YPEL5: variants seen among roughly 807,000 people sequenced by gnomAD.
YPEL5 encodes the protein protein yippee-like 5.
YPEL5 carries 1 observed loss-of-function variant against 10.5 expected under a neutral mutation model. That is an observed-to-expected ratio of 0.10 (90% confidence interval 0.03 to 0.45). The LOEUF (loss-of-function observed/expected upper bound fraction) is 0.45, where lower values mean the gene tolerates loss of function less well. YPEL5 is among the 20% of genes least tolerant of loss of function. The pLI, the probability that YPEL5 is intolerant of heterozygous loss-of-function variation, is 0.97. For synonymous variants in YPEL5, 61 were observed against 56.6 expected (o/e 1.08, Z -0.35); for missense variants, 68 against 159.3 (o/e 0.43, Z 3.09).
intron 1 of YPEL5, among the ~76,000 whole-genome samples, chr2:30,149,301 T>A (rs1427935023): frequency 6.6e-6 from 1 of 152,174 alleles, no homozygotes; most frequent in Non-Finnish European, 1.5e-5. Flanking sequence ...AATATATCCT[T>A]AAAACGTACT....
intron 2 of YPEL5, among the ~76,000 whole-genome samples, chr2:30,157,433 T>C (rs1676092171): frequency 6.6e-6 from 1 of 152,212 alleles, no homozygotes; most frequent in African/African-American, 2.4e-5. Context: ...TTTATCCATA[T>C]AGGGAGATGG....
chr2:30,158,489 T>C, intron 2 of YPEL5, 130 bp from the exon 3 acceptor site: 2 of 842,882 alleles, frequency 2.4e-6, no homozygotes, highest in Non-Finnish European at 3.8e-6. Context: ...TTGCGTATTA[T>C]AGGTTTGACT....
chr2:30,153,794 CAT>C (rs1458472844), intron 1 of YPEL5, among the ~76,000 whole-genome samples: 15 of 152,138 alleles, frequency 9.9e-5, no homozygotes, highest in African/African-American at 3.6e-4. Context: ...AATAGTGTAA[CAT>C]AAGGTTTTGC....
intron 1 of YPEL5, among the ~76,000 whole-genome samples, chr2:30,148,968 A>T (rs1675650886): frequency 6.6e-6 from 1 of 152,214 alleles, no homozygotes; most frequent in Admixed American, 6.5e-5. Context: ...ATGTCAGTGT[A>T]ATGCAGGAAC....
chr2:30,159,655 A>G lies in YPEL5; in HGVS notation c.*812A>G, dbSNP rs1291517353. ...AGTTTTTTTTCATCTCTTAAACTAA[A>G]TTGACCATGCATATAATATTCTTTG... On this transcript the variant is annotated 3_prime_UTR_variant, in exon 3 of 3. Coordinates refer to ENST00000261353, the MANE Select transcript of YPEL5 (RefSeq NM_016061.3). The G allele has an allele frequency of 6.6e-6, 1 of 152,274 alleles. No individual in the cohort carries two copies. The allele number at this position is 152,274 out of a possible 1,614,324, so 9.4% of individuals were successfully genotyped here.
chr2:30,155,141 TAGAA>T (rs1314970534), intron 1 of YPEL5, among the ~76,000 whole-genome samples: 13 of 152,316 alleles, frequency 8.5e-5, no homozygotes, highest in Non-Finnish European at 1.5e-4. Flanking sequence ...GAAATGTAAT[TAGAA>T]AGTTAAATAT....
Position 30,157,960 on chromosome 2 carries a change from C to T in YPEL5, c.142-659C>T, listed in dbSNP as rs78040284. Among the ~76,000 whole-genome samples, 150 of 152,330 alleles carry T rather than the reference C, an allele frequency of 9.8e-4. 5 individuals are homozygous for T. In the East Asian group the frequency reaches 0.028, roughly 28 times the overall value. On this transcript the variant is annotated intron_variant, in intron 2 of 2. Transcript: ENST00000261353. ...CAGAGTTAAAAAGTTGCAGCAAAGACCACATAGCCGTCAAAGCCAGAAATA... is the reference window on the plus strand; with the variant it reads ...CAGAGTTAAAAAGTTGCAGCAAAGATCACATAGCCGTCAAAGCCAGAAATA...
chr2:30,159,078 T>G lies in YPEL5; in HGVS notation c.*235T>G, dbSNP rs376978553. On this transcript the variant is annotated 3_prime_UTR_variant, in exon 3 of 3. Transcript: ENST00000261353. ...TGCAGATGCCGTTAATTTTTTACCC[T>G]ATGTTTACATCTTGAGGCAGCAGAG... The G allele has an allele frequency of 7.7e-6, 4 of 517,728 alleles. No homozygotes were observed. In the East Asian group the frequency reaches 9.8e-5, roughly 13 times the overall value. 32.1% of individuals were successfully genotyped at this position (517,728 alleles called of 1,614,324 possible).
intron 1 of YPEL5, among the ~76,000 whole-genome samples, chr2:30,149,887 C>T (rs1675704305): frequency 6.6e-6 from 1 of 152,242 alleles, no homozygotes; most frequent in African/African-American, 2.4e-5. Flanking sequence ...GCGATGGTTT[C>T]ATTTACTAAG....
intron 1 of YPEL5, among the ~76,000 whole-genome samples, chr2:30,151,040 A>C (rs559687462): frequency 9.5e-4 from 144 of 152,348 alleles, no homozygotes; most frequent in African/African-American, 3.2e-3. Context: ...GTACAGAAAC[A>C]GGTGGCGAGC....
chr2:30,151,522 GT>G (rs1347736159), intron 1 of YPEL5, among the ~76,000 whole-genome samples: 1 of 152,150 alleles, frequency 6.6e-6, no homozygotes, highest in Non-Finnish European at 1.5e-5. Context: ...GCCCCTCACT[GT>G]TTCAGGTAAT....
At chr2:30,148,459 C>G (rs536566859) in intron 1 of YPEL5, 1 of 152,304 alleles carries the variant, frequency 6.6e-6, no homozygotes, top group South Asian at 2.1e-4. Flanking sequence ...TGTGGTGTTC[C>G]CAGGGTACAT....
chr2:30,158,333 T>C (rs1042053910), intron 2 of YPEL5, among the ~76,000 whole-genome samples: 3 of 152,204 alleles, frequency 2.0e-5, no homozygotes, highest in African/African-American at 4.8e-5. Context: ...TTCCAGGACT[T>C]TTTCTTACCT....
At chr2:30,158,551 A>G in intron 2 of YPEL5, 68 bp from the exon 3 acceptor site, 2 of 1,473,752 alleles carry the variant, frequency 1.4e-6, no homozygotes, top group Non-Finnish European at 1.9e-6. Flanking sequence ...ATTAACCATA[A>G]TATTTTGTAC....
At chr2:30,147,458 G>A (rs532954812) in intron 1 of YPEL5, 4 of 149,222 alleles carry the variant, frequency 2.7e-5, no homozygotes, top group Non-Finnish European at 4.5e-5. Flanking sequence ...CTGGGCGGAC[G>A]GTCTGGCCGC....
intron 1 of YPEL5, among the ~76,000 whole-genome samples, chr2:30,154,595 C>T (rs899326302): frequency 6.6e-6 from 1 of 152,142 alleles, no homozygotes; most frequent in Non-Finnish European, 1.5e-5. Context: ...AACTGTGTGA[C>T]CCAAATAAAA....
At chr2:30,156,861 C>T in intron 2 of YPEL5, 69 bp downstream of exon 2, 2 of 1,556,174 alleles carry the variant, frequency 1.3e-6, no homozygotes, top group South Asian at 1.1e-5. Flanking sequence ...CCAGAATACC[C>T]CCTCAGAGCT....
intron 1 of YPEL5, among the ~76,000 whole-genome samples, chr2:30,150,288 A>G (rs981203555): frequency 9.9e-5 from 15 of 152,194 alleles, no homozygotes; most frequent in African/African-American, 3.6e-4. Context: ...AGTTTTACTG[A>G]CCTTTATTGA....
chr2:30,153,228 C>G (rs1025433959), intron 1 of YPEL5, among the ~76,000 whole-genome samples: 58 of 152,230 alleles, frequency 3.8e-4, no homozygotes, highest in Middle Eastern at 6.8e-3. Flanking sequence ...AAGTGGCTGT[C>G]TTAGTTCCTT....
Sources: gnomAD v4.1 joint callset for allele counts (sites outside exome capture counted in the v4.1 genomes callset) on GRCh38, gnomAD v4.1.1 for gene constraint, MANE v1.5 for transcripts, NCBI Gene and HGNC (gene_info 2026-07-23, HGNC 2026-07-21) for gene names.